The following PARP8 variants were observed in gnomAD, a reference collection of about 807,000 sequenced individuals.
PARP8 encodes the protein protein mono-ADP-ribosyltransferase PARP8.
A neutral mutation model predicts 124.1 loss-of-function variants in PARP8; 51 were observed. The observed-to-expected ratio is 0.41, with a 90% CI of 0.33 to 0.52. The LOEUF is 0.52. Among genes scored for constraint, PARP8 ranks in the 20% least tolerant of loss-of-function variants. PARP8 has a pLI of 0.21. For missense variants in PARP8, 860 were observed against 1,018.9 expected (o/e 0.84, Z 2.12); for synonymous variants, 391 against 361.5 (o/e 1.08, Z -0.93).
chr5:50,795,694 G>T (rs1476710363), intron 12 of PARP8, among the ~76,000 whole-genome samples: 1 of 152,104 alleles, frequency 6.6e-6, no homozygotes, highest in Non-Finnish European at 1.5e-5. Flanking sequence ...AGAAGGAAAC[G>T]CATTGGATTC....
Position 50,795,436 on chromosome 5 carries a change from C to A in PARP8, c.1428+19C>A. 2 of 1,545,942 alleles carry A rather than the reference C, an allele frequency of 1.3e-6. No homozygotes were observed. The highest frequency in any genetic ancestry group is 2.1e-5 in the Admixed American group (1 of 46,652). ...GCTTGCTGTGCGTAAATATTTTCAT[C>A]TTGAGTTCTTAAATGTTAGCTAAGG... On this transcript the variant is annotated intron_variant, in intron 12 of 25. Coordinates refer to ENST00000281631, the MANE Select transcript of PARP8 (RefSeq NM_024615.4).
chr5:50,794,780 A>T, intron 11 of PARP8, 73 bp from the exon 12 acceptor site: 1 of 1,334,850 alleles, frequency 7.5e-7, no homozygotes, highest in Non-Finnish European at 1.0e-6. Context: ...GTCGAGTTTG[A>T]GCATGACAAG....
At chr5:50,726,929 A>T (rs1262775112) in intron 2 of PARP8, among the ~76,000 whole-genome samples, 2 of 152,122 alleles carry the variant, frequency 1.3e-5, no homozygotes, top group African/African-American at 4.8e-5. Context: ...TTTTTGTGGA[A>T]ATAACCCAAA....
chr5:50,738,662 A>G (rs1156275043), intron 2 of PARP8, among the ~76,000 whole-genome samples: 1 of 151,700 alleles, frequency 6.6e-6, no homozygotes, highest in Non-Finnish European at 1.5e-5. Context: ...ACAGTGGAAG[A>G]ATTGTCTTGT....
chr5:50,672,701 A>G (rs1445627794), intron 2 of PARP8, among the ~76,000 whole-genome samples: 1 of 152,186 alleles, frequency 6.6e-6, no homozygotes, highest in Non-Finnish European at 1.5e-5. Context: ...CTGTTGATCA[A>G]GCAAACTTTC....
Position 50,680,215 on chromosome 5 carries a change from T to C in PARP8, c.146+12090T>C, listed in dbSNP as rs1367802837. ...TCTTCAATACTCTGGATCGGTGCCC[T>C]TTATTCGTTTTTTTCACAACTTCCT... On this transcript the variant is annotated intron_variant, in intron 2 of 25. Transcript: ENST00000281631. Among the ~76,000 whole-genome samples the C allele has an allele frequency of 2.0e-5, 3 of 152,306 alleles. No individual in the cohort carries two copies. The East Asian group carries it at 5.8e-4, about 29-fold the overall frequency.
At chr5:50,686,717 C>T (rs1168894972) in intron 2 of PARP8, among the ~76,000 whole-genome samples, 4 of 152,230 alleles carry the variant, frequency 2.6e-5, no homozygotes, top group Non-Finnish European at 5.9e-5. Context: ...TTCTTGACTT[C>T]TGTGCACCTG....
At chr5:50,780,882 A>C (rs1297408876) in intron 9 of PARP8, among the ~76,000 whole-genome samples, 3 of 151,712 alleles carry the variant, frequency 2.0e-5, no homozygotes, top group Non-Finnish European at 2.9e-5. Flanking sequence ...TTTTATTTGC[A>C]AGGAATCTGT....
chr5:50,728,830 G>A (rs1266179498), intron 2 of PARP8, among the ~76,000 whole-genome samples: 1 of 151,996 alleles, frequency 6.6e-6, no homozygotes, highest in Non-Finnish European at 1.5e-5. Flanking sequence ...AAATGAAATT[G>A]TATAATAAAT....
intron 14 of PARP8, among the ~76,000 whole-genome samples, chr5:50,801,331 T>G (rs1743206116): frequency 6.6e-6 from 1 of 152,116 alleles, no homozygotes; most frequent in African/African-American, 2.4e-5. Flanking sequence ...ACTCCTGACC[T>G]CAGGTGATCC....
chr5:50,736,795 CATAA>C (rs1225958910), intron 2 of PARP8, among the ~76,000 whole-genome samples: 1 of 152,036 alleles, frequency 6.6e-6, no homozygotes, highest in Non-Finnish European at 1.5e-5. Context: ...CTCCTGTGAT[CATAA>C]ATAATTTCCA....
intron 2 of PARP8, among the ~76,000 whole-genome samples, chr5:50,737,195 C>G (rs1757555116): frequency 6.6e-6 from 1 of 152,084 alleles, no homozygotes; most frequent in Non-Finnish European, 1.5e-5. Context: ...GGCCAGTTTT[C>G]TTGGGAGGGG....
chr5:50,790,463 T>A (rs974708332), intron 10 of PARP8, among the ~76,000 whole-genome samples: 10 of 152,174 alleles, frequency 6.6e-5, no homozygotes, highest in African/African-American at 2.4e-4. Flanking sequence ...CTTGACACAT[T>A]TTTTTTATAC....
At chr5:50,696,746 A>G (rs987367392) in intron 2 of PARP8, among the ~76,000 whole-genome samples, 4 of 151,584 alleles carry the variant, frequency 2.6e-5, no homozygotes, top group African/African-American at 4.9e-5. Flanking sequence ...AGGTTTCTCT[A>G]TTTCTCTATT....
In PARP8 at chr5:50,794,341, C is replaced by T. The variant is rs1206763154; in HGVS notation, c.863+9C>T. 1.9e-6 allele frequency: 3 copies of T among 1,611,602 alleles called. No homozygotes were observed. The highest frequency in any genetic ancestry group is 2.7e-5 in the African/African-American group (2 of 74,848). Reference sequence around the variant, plus strand: ...TTTTCTACTTTGCGCAGGTTGGTAACAGGCAACTTCGTCATTGTCTTACTG... The same window carrying T: ...TTTTCTACTTTGCGCAGGTTGGTAATAGGCAACTTCGTCATTGTCTTACTG... On this transcript the variant is annotated intron_variant, in intron 11 of 25. Transcript: ENST00000281631.
chr5:50,796,830 GT>G (rs1259525842), intron 12 of PARP8, 151 bp from the exon 13 acceptor site: 5 of 670,648 alleles, frequency 7.5e-6, no homozygotes, highest in African/African-American at 3.7e-5. Context: ...GAATAAAAAA[GT>G]TTTTAATTTT....
intron 2 of PARP8, among the ~76,000 whole-genome samples, chr5:50,676,436 A>G (rs1750647069): frequency 1.3e-5 from 2 of 152,218 alleles, no homozygotes; most frequent in Non-Finnish European, 2.9e-5. Flanking sequence ...TACTGAATTC[A>G]TTTATGTTAA....
chr5:50,747,562 AG>A (rs1291651978), intron 2 of PARP8, among the ~76,000 whole-genome samples: 1 of 151,694 alleles, frequency 6.6e-6, no homozygotes, highest in African/African-American at 2.4e-5. Flanking sequence ...CTTTGTTATT[AG>A]GTACATACAC....
At chr5:50,765,680 TC>T (rs1269109802) in intron 7 of PARP8, among the ~76,000 whole-genome samples, 1 of 152,218 alleles carries the variant, frequency 6.6e-6, no homozygotes, top group Non-Finnish European at 1.5e-5. Flanking sequence ...AGAGGATATT[TC>T]CAAAATAAAT....
Sources: gnomAD v4.1 joint callset for allele counts (sites outside exome capture counted in the v4.1 genomes callset) on GRCh38, gnomAD v4.1.1 for gene constraint, MANE v1.5 for transcripts, NCBI Gene and HGNC (gene_info 2026-07-23, HGNC 2026-07-21) for gene names.